The following CCDC150 variants were observed in gnomAD, a reference collection of about 807,000 sequenced individuals.
CCDC150 encodes the protein coiled-coil domain-containing protein 150.
CCDC150 carries 151 observed loss-of-function variants against 156.5 expected under a neutral mutation model. The observed-to-expected ratio is 0.97, with a 90% CI of 0.85 to 1.10. CCDC150 has a LOEUF of 1.10. Among genes scored for constraint, CCDC150 ranks in the 50% least tolerant of loss-of-function variants. The pLI is 0.00. For synonymous variants in CCDC150, 452 were observed against 429.4 expected (o/e 1.05, Z -0.65); for missense variants, 1,312 against 1,268.1 (o/e 1.03, Z -0.53).
At position 196,651,641 on chromosome 2, in the gene CCDC150, A is replaced by G. The variant is rs1692880144; in HGVS notation, c.177-4992A>G. On this transcript the variant is annotated intron_variant, in intron 2 of 27. Coordinates refer to ENST00000389175, the MANE Select transcript of CCDC150 (RefSeq NM_001080539.2). The stretch of plus-strand genomic sequence containing the variant: ...TAGGTTTCTGTTGAAAACTTCATCG[A>G]TAGTCTAGTATGGGTTCTCTTTTAT... 2.0e-5 allele frequency among the ~76,000 whole-genome samples: 3 copies of G among 152,086 alleles called. No homozygotes were observed. In the South Asian group the frequency reaches 6.2e-4, roughly 32 times the overall value.
At chr2:196,652,054 T>C (rs1045896375) in intron 2 of CCDC150, among the ~76,000 whole-genome samples, 1 of 152,158 alleles carries the variant, frequency 6.6e-6, no homozygotes. Context: ...ATGAGGGATC[T>C]GCCCCTATGA....
At chr2:196,661,744 A>G (rs998318137) in intron 5 of CCDC150, among the ~76,000 whole-genome samples, 4 of 152,216 alleles carry the variant, frequency 2.6e-5, no homozygotes, top group African/African-American at 7.2e-5. Flanking sequence ...ATTGCCCTTA[A>G]TAGTACTTCA....
intron 2 of CCDC150, among the ~76,000 whole-genome samples, chr2:196,652,087 T>TA (rs1692912332): frequency 6.6e-6 from 1 of 152,140 alleles, no homozygotes; most frequent in Non-Finnish European, 1.5e-5. Context: ...CACCAGGCCT[T>TA]ACCTCCAACA....
chr2:196,727,714 T>A (rs1443196902), intron 22 of CCDC150: 1 of 151,960 alleles, frequency 6.6e-6, no homozygotes, highest in African/African-American at 2.4e-5. Context: ...TCGGAGATCA[T>A]TGTTAAGAAT....
intron 18 of CCDC150, 88 bp from the exon 19 acceptor site, chr2:196,719,409 A>C: frequency 9.3e-7 from 1 of 1,071,804 alleles, no homozygotes; most frequent in Non-Finnish European, 1.3e-6. Context: ...TCTGCTTTCC[A>C]TGCTCTTTCC....
At chr2:196,646,319 A>G in intron 1 of CCDC150, 22 bp from the exon 2 acceptor site, 3 of 1,611,290 alleles carry the variant, frequency 1.9e-6, no homozygotes, top group Non-Finnish European at 2.5e-6. Flanking sequence ...CTACCACACT[A>G]AGATTGTGAC....
At chr2:196,722,665 C>T (rs982255863) in intron 21 of CCDC150, among the ~76,000 whole-genome samples, 16 of 152,144 alleles carry the variant, frequency 1.1e-4, no homozygotes, top group Non-Finnish European at 2.1e-4. Flanking sequence ...GATATATGAT[C>T]TCTGCAAATT....
rs1230686434 is a variant in CCDC150 at position 196,701,143 on chromosome 2, G to C, written c.1658G>C (p.Ser553Thr). 6.2e-6 allele frequency: 10 copies of C among 1,608,978 alleles called. No homozygotes were observed. Among genetic ancestry groups the C allele is most frequent in the South Asian group, 1.1e-5 (1 of 89,694 alleles). ...CAGAAGGTGGAAAAAATCACTGAAA[G>C]TAAAAATAAACTGGCCTATGAAAAC... ...AQQKVEKITE[S>T]KNKLAYENGK... is the part of the protein sequence containing the mutation. Residue 553 changes from serine to threonine, a missense_variant, in exon 15 of 28, where the codon AGT becomes ACT. Transcript: ENST00000389175.
chr2:196,639,963 G>A (rs1178001328), intron 1 of CCDC150, among the ~76,000 whole-genome samples, 185 bp downstream of exon 1: 1 of 152,214 alleles, frequency 6.6e-6, no homozygotes, highest in Admixed American at 6.5e-5. Context: ...AAGCCATTTA[G>A]GAGCGAAGTT....
chr2:196,689,712 C>G (rs1040603546), intron 13 of CCDC150, among the ~76,000 whole-genome samples: 29 of 151,814 alleles, frequency 1.9e-4, no homozygotes, highest in African/African-American at 6.8e-4. Context: ...TTGACTTCCT[C>G]TTTTCCTAAT....
At chr2:196,713,932 A>G (rs1697311400) in intron 17 of CCDC150, among the ~76,000 whole-genome samples, 1 of 152,198 alleles carries the variant, frequency 6.6e-6, no homozygotes, top group South Asian at 2.1e-4. Flanking sequence ...AAAAAATTCA[A>G]AATTTCTACC....
chr2:196,704,436 T>G (rs1352952705), intron 15 of CCDC150, among the ~76,000 whole-genome samples: 1 of 152,204 alleles, frequency 6.6e-6, no homozygotes, highest in Non-Finnish European at 1.5e-5. Flanking sequence ...TTCTCTCAGC[T>G]AAATATAAAA....
At chr2:196,656,894 G>C in intron 3 of CCDC150, 41 bp downstream of exon 3, 1 of 1,610,658 alleles carries the variant, frequency 6.2e-7, no homozygotes, top group South Asian at 1.1e-5. Context: ...TCCTGTATAG[G>C]TGCTTGATTT....
At chr2:196,679,602 T>C (rs374070045) in intron 13 of CCDC150, among the ~76,000 whole-genome samples, 6 of 152,348 alleles carry the variant, frequency 3.9e-5, no homozygotes, top group East Asian at 1.9e-4. Context: ...TATTCAGATA[T>C]GCACATATGT....
chr2:196,698,234 C>G (rs1695949440), intron 14 of CCDC150, among the ~76,000 whole-genome samples: 2 of 152,116 alleles, frequency 1.3e-5, no homozygotes, highest in Non-Finnish European at 2.9e-5. Context: ...CCCTTAGCAA[C>G]TTGGAACAAT....
intron 25 of CCDC150, 144 bp downstream of exon 25, chr2:196,730,262 TA>T (rs2125721274): frequency 1.6e-6 from 1 of 634,706 alleles, no homozygotes; most frequent in East Asian, 2.9e-5. Context: ...GTCCTTAGAA[TA>T]ATAGTATCTA....
At chr2:196,656,008 A>C (rs1052714099) in intron 2 of CCDC150, among the ~76,000 whole-genome samples, 2 of 152,134 alleles carry the variant, frequency 1.3e-5, no homozygotes, top group Admixed American at 6.5e-5. Context: ...GACAGAGTAC[A>C]TTGGCAACCC....
At chr2:196,731,004 A>C in intron 26 of CCDC150, 59 bp downstream of exon 26, 1 of 1,268,902 alleles carries the variant, frequency 7.9e-7, no homozygotes, top group Non-Finnish European at 1.1e-6. Flanking sequence ...GCAACCCTGA[A>C]GCAACCCAAG....
At chr2:196,727,432 T>C (rs1001359245) in intron 22 of CCDC150, 3 of 151,936 alleles carry the variant, frequency 2.0e-5, no homozygotes, top group Admixed American at 6.6e-5. Context: ...AAAAAAATTA[T>C]CAACCAGACA....
Sources: gnomAD v4.1 joint callset for allele counts (sites outside exome capture counted in the v4.1 genomes callset) on GRCh38, gnomAD v4.1.1 for gene constraint, MANE v1.5 for transcripts, NCBI Gene and HGNC (gene_info 2026-07-23, HGNC 2026-07-21) for gene names.